Variants in TBC1D5 observed in about 807,000 individuals in gnomAD.
TBC1D5 encodes TBC1 domain family, member 5.
TBC1D5 carries 75 observed loss-of-function variants against 100.3 expected under a neutral mutation model. The observed-to-expected ratio is 0.75, with a 90% confidence interval of 0.62 to 0.91. The LOEUF (loss-of-function observed/expected upper bound fraction) is 0.91, where lower values mean the gene tolerates loss of function less well. Among genes scored for constraint, TBC1D5 ranks in the 40% least tolerant of loss-of-function variants. TBC1D5 has a pLI of 0.00. For synonymous variants in TBC1D5, 323 were observed against 325.6 expected, an observed-to-expected ratio of 0.99 and a Z score of 0.09; for missense variants, 910 against 942.4, an observed-to-expected ratio of 0.97 and a Z score of 0.45.
intron 1 of TBC1D5, among the ~76,000 whole-genome samples, chr3:17,640,840 A>G (rs774012420): frequency 1.3e-5 from 2 of 152,108 alleles, no homozygotes; most frequent in African/African-American, 4.8e-5. Context: ...CTAGAATAAT[A>G]CTAATTCAAT....
At chr3:17,327,540 C>T (rs2086297504) in intron 13 of TBC1D5, among the ~76,000 whole-genome samples, 1 of 152,166 alleles carries the variant, frequency 6.6e-6, no homozygotes, top group Non-Finnish European at 1.5e-5. Flanking sequence ...GACCTTTGTA[C>T]TTGCAATGCC....
intron 13 of TBC1D5, among the ~76,000 whole-genome samples, chr3:17,327,479 CT>C (rs1348820431): frequency 4.6e-5 from 7 of 152,232 alleles, no homozygotes; most frequent in Non-Finnish European, 1.0e-4. Context: ...GTCCTGCTCA[CT>C]TTGCTTCAGC....
intron 1 of TBC1D5, among the ~76,000 whole-genome samples, chr3:17,713,552 G>T (rs1001689054): frequency 2.0e-5 from 3 of 151,932 alleles, no homozygotes; most frequent in Admixed American, 1.3e-4. Flanking sequence ...AAATTATTGT[G>T]TTTTTCAAAC....
exon 22 of TBC1D5, chr3:17,157,968 G>GAGTC (rs1297152927): frequency 6.6e-6 from 1 of 152,216 alleles, no homozygotes; most frequent in African/African-American, 2.4e-5. Flanking sequence ...TTTATTTTTA[G>GAGTC]AGTCACATTC....
chr3:17,275,917 G>A (rs2079950746), intron 15 of TBC1D5, among the ~76,000 whole-genome samples: 1 of 152,130 alleles, frequency 6.6e-6, no homozygotes, highest in Admixed American at 6.5e-5. Context: ...GGTACTCCAT[G>A]GAGATCTATG....
At chr3:17,520,494 T>A (rs1262652676) in intron 2 of TBC1D5, among the ~76,000 whole-genome samples, 1 of 152,186 alleles carries the variant, frequency 6.6e-6, no homozygotes, top group Non-Finnish European at 1.5e-5. Flanking sequence ...AGAAGAAAGT[T>A]TCTTTATAAA....
At chr3:17,711,873 A>C (rs888283257) in intron 1 of TBC1D5, among the ~76,000 whole-genome samples, 3 of 152,232 alleles carry the variant, frequency 2.0e-5, no homozygotes, top group African/African-American at 7.2e-5. Context: ...TCACACAACC[A>C]CAAGTGGAAT....
At chr3:17,422,617 CT>C (rs1414044587) in intron 4 of TBC1D5, among the ~76,000 whole-genome samples, 3 of 152,098 alleles carry the variant, frequency 2.0e-5, no homozygotes, top group Non-Finnish European at 4.4e-5. Flanking sequence ...CTACTATCTC[CT>C]TTCTAATATA....
chr3:17,461,634 G>A (rs1359387144), intron 3 of TBC1D5, among the ~76,000 whole-genome samples: 4 of 151,142 alleles, frequency 2.6e-5, no homozygotes, highest in Non-Finnish European at 5.9e-5. Flanking sequence ...CTCTTTTTCT[G>A]TGTGTGTATG....
intron 1 of TBC1D5, chr3:17,706,137 C>A (rs2074126828): frequency 1.3e-6 from 2 of 1,599,100 alleles, no homozygotes; most frequent in African/African-American, 1.3e-5. Flanking sequence ...GGGCTTGAGG[C>A]AAAGGCTGCA....
intron 2 of TBC1D5, among the ~76,000 whole-genome samples, chr3:17,599,643 C>T (rs947771636): frequency 6.6e-6 from 1 of 152,178 alleles, no homozygotes; most frequent in Non-Finnish European, 1.5e-5. Context: ...TAGCCATCTA[C>T]GGATGGCAAC....
chr3:17,272,074 T>C (rs1051517736), intron 15 of TBC1D5, among the ~76,000 whole-genome samples: 2 of 141,846 alleles, frequency 1.4e-5, no homozygotes, highest in African/African-American at 5.2e-5. Flanking sequence ...AACATTTGTG[T>C]TGTTGGGAGA....
intron 1 of TBC1D5, among the ~76,000 whole-genome samples, chr3:17,704,252 C>T (rs1365166707): frequency 7.1e-6 from 1 of 141,006 alleles, no homozygotes; most frequent in African/African-American, 2.6e-5. Flanking sequence ...GGTCACAGAT[C>T]AACAGGATCC....
intron 16 of TBC1D5, among the ~76,000 whole-genome samples, chr3:17,248,732 G>C (rs192239547): frequency 7.5e-4 from 114 of 152,256 alleles, no homozygotes; most frequent in African/African-American, 2.6e-3. Flanking sequence ...CAGTGACACA[G>C]AGAGACAGGC....
intron 3 of TBC1D5, among the ~76,000 whole-genome samples, chr3:17,454,276 T>C (rs1006335300): frequency 6.6e-6 from 1 of 151,986 alleles, no homozygotes; most frequent in East Asian, 1.9e-4. Context: ...GCTTGGACAA[T>C]CAGATGAGAT....
chr3:17,161,180 C>T (rs762968075), exon 22 of TBC1D5: 4 of 1,614,206 alleles, frequency 2.5e-6, no homozygotes, highest in Non-Finnish European at 3.4e-6. Flanking sequence ...GGCACTGCTC[C>T]CATCATCATC....
Position 17,729,016 on chromosome 3 carries a change from TAAAAAAAAAAA to T in TBC1D5, c.-101+10316_-101+10326del, listed in dbSNP as rs34461809. Among the ~76,000 whole-genome samples the T allele has an allele frequency of 1.4e-4, 4 of 29,604 alleles. 1 individual carries two copies. The South Asian group carries it at 3.7e-3, about 27-fold the overall frequency. 19.4% of individuals were successfully genotyped at this position (29,604 alleles called of 152,430 possible). A position where few individuals can be genotyped will look rare whatever the true frequency, so the allele number is the denominator to read the frequency against. On this transcript the variant is annotated intron_variant, in intron 1 of 21. Transcript: ENST00000253692. ...ATACTCAAGTGCACCTGAAAATCAG[TAAAAAAAAAAA>T]AAAAAAAAAAAAAGTGAATATCCCC...
At chr3:17,390,232 G>A (rs1473088465) in intron 8 of TBC1D5, among the ~76,000 whole-genome samples, 1 of 152,088 alleles carries the variant, frequency 6.6e-6, no homozygotes, top group Non-Finnish European at 1.5e-5. Context: ...CAACTTTGGA[G>A]CCCCAATAAC....
chr3:17,220,809 T>C (rs2074192781), intron 17 of TBC1D5, among the ~76,000 whole-genome samples: 1 of 152,142 alleles, frequency 6.6e-6, no homozygotes, highest in Non-Finnish European at 1.5e-5. Flanking sequence ...AATTTCAAAT[T>C]ACTTTTAAAA....
Sources: gnomAD v4.1 joint callset for allele counts (sites outside exome capture counted in the v4.1 genomes callset) on GRCh38, gnomAD v4.1.1 for gene constraint, MANE v1.5 for transcripts, NCBI Gene and HGNC (gene_info 2026-07-23, HGNC 2026-07-21) for gene names.